SPATA17: variants seen among roughly 807,000 people sequenced by gnomAD.
SPATA17 encodes spermatogenesis associated 17, also known as spermatogenesis-associated protein 17.
SPATA17 carries 53 observed loss-of-function variants against 62.2 expected under a neutral mutation model. The observed-to-expected ratio is 0.85, with a 90% CI of 0.68 to 1.07. The LOEUF (loss-of-function observed/expected upper bound fraction) is 1.07, where lower values mean the gene tolerates loss of function less well. Among genes scored for constraint, SPATA17 ranks in the 50% least tolerant of loss-of-function variants. The probability of loss-of-function intolerance (pLI) is 0.00; values close to 1 mark genes in which losing one functional copy is unlikely to be tolerated. For missense variants in SPATA17, 466 were observed against 425.5 expected (o/e 1.10, Z -0.84); for synonymous variants, 146 against 146.8 (o/e 0.99, Z 0.04).
intron 5 of SPATA17, 27 bp downstream of exon 5, chr1:217,683,388 A>T: frequency 6.9e-7 from 1 of 1,442,096 alleles, no homozygotes; most frequent in Non-Finnish European, 9.7e-7. Flanking sequence ...TCCATTCACT[A>T]GGGAAAACTT....
At chr1:217,818,267 C>G (rs752497524) in intron 9 of SPATA17, among the ~76,000 whole-genome samples, 1 of 151,936 alleles carries the variant, frequency 6.6e-6, no homozygotes, top group Non-Finnish European at 1.5e-5. Context: ...CCTTGGACAT[C>G]ACAATTTACG....
At chr1:217,680,237 C>A (rs941789476) in intron 4 of SPATA17, among the ~76,000 whole-genome samples, 3 of 152,118 alleles carry the variant, frequency 2.0e-5, no homozygotes, top group Non-Finnish European at 4.4e-5. Context: ...AGCTATATGA[C>A]CTTAGGCAAT....
intron 9 of SPATA17, among the ~76,000 whole-genome samples, chr1:217,836,432 G>A (rs61827071): frequency 0.15 from 23,276 of 152,090 alleles, 1,930 homozygotes; most frequent in Non-Finnish European, 0.18. Flanking sequence ...CAGTAGAAAC[G>A]GACAAAAGCT....
intron 5 of SPATA17, among the ~76,000 whole-genome samples, chr1:217,718,012 A>G (rs1259629354): frequency 6.6e-6 from 1 of 152,238 alleles, no homozygotes; most frequent in Non-Finnish European, 1.5e-5. Context: ...AGCTAGAGAT[A>G]AACCTCAGGA....
At chr1:217,760,180 C>T (rs1186328411) in intron 6 of SPATA17, among the ~76,000 whole-genome samples, 2 of 152,062 alleles carry the variant, frequency 1.3e-5, no homozygotes, top group African/African-American at 4.8e-5. Flanking sequence ...ACCAGAGAGA[C>T]TTAAAGTTTG....
At chr1:217,840,453 T>G (rs1675365626) in intron 9 of SPATA17, among the ~76,000 whole-genome samples, 2 of 152,004 alleles carry the variant, frequency 1.3e-5, no homozygotes, top group Non-Finnish European at 2.9e-5. Flanking sequence ...AAAAGCTAAA[T>G]AAAGTTCATC....
rs529042740 is a variant in SPATA17, at chr1:217,672,181, T to C, written c.291+3098T>C. Among the ~76,000 whole-genome samples, 16 of 152,336 alleles carry C rather than the reference T, an allele frequency of 1.1e-4. No homozygotes were observed. The South Asian group carries it at 3.3e-3, about 32-fold the overall frequency. ...CAGATACCTTTGTGTTGTGTATATC[T>C]GAAGATTACAATCCTAATTGGATAC... On this transcript the variant is annotated intron_variant, in intron 4 of 10. Coordinates refer to ENST00000366933, the MANE Select transcript of SPATA17 (RefSeq NM_138796.4).
intron 5 of SPATA17, among the ~76,000 whole-genome samples, chr1:217,727,204 G>A (rs1223940101): frequency 6.6e-6 from 1 of 151,096 alleles, no homozygotes; most frequent in African/African-American, 2.4e-5. Context: ...CGGAGATCGC[G>A]CCATTGCACT....
At chr1:217,734,489 C>T (rs1672466503) in intron 5 of SPATA17, among the ~76,000 whole-genome samples, 2 of 152,158 alleles carry the variant, frequency 1.3e-5, no homozygotes, top group East Asian at 1.9e-4. Flanking sequence ...AGGTGTGTGC[C>T]ACCACACCCA....
intron 1 of SPATA17, among the ~76,000 whole-genome samples, chr1:217,637,627 G>A (rs1669971813): frequency 6.6e-6 from 1 of 152,136 alleles, no homozygotes; most frequent in South Asian, 2.1e-4. Context: ...AGTTCCTCCT[G>A]TATCCTTAGT....
At position 217,871,123 on chromosome 1, in the gene SPATA17, G is replaced by A. The variant is rs921087389; in HGVS notation, c.*4104G>A. 1.3e-5 allele frequency: 2 copies of A among 152,146 alleles called. No individual in the cohort carries two copies. The highest frequency in any genetic ancestry group is 4.8e-5 in the African/African-American group (2 of 41,442). The allele number at this position is 152,146 out of a possible 1,614,324, so 9.4% of individuals were successfully genotyped here. A position where few individuals can be genotyped will look rare whatever the true frequency, so the allele number is the denominator to read the frequency against. ...CTAAGTGGGTTGATCCTGAGATCAAGCTATGATTGCTGCTTGCGTAAAGTG... is the reference window on the plus strand; with the variant it reads ...CTAAGTGGGTTGATCCTGAGATCAAACTATGATTGCTGCTTGCGTAAAGTG... On this transcript the variant is annotated 3_prime_UTR_variant, in exon 11 of 11. Transcript: ENST00000366933.
rs1197131010 is a variant in SPATA17, at chr1:217,742,115, C to T, written c.519+17C>T. ...ACAAAGCAGGTTGGTTTACCTGTCC[C>T]TGACAGCTCCTGTAAGCCACTTGGG... On this transcript the variant is annotated intron_variant, in intron 6 of 10. Transcript: ENST00000366933. 3 of 1,613,404 alleles carry T rather than the reference C, an allele frequency of 1.9e-6. No individual in the cohort carries two copies. Among genetic ancestry groups the T allele is most frequent in the Non-Finnish European group, 2.5e-6 (3 of 1,179,704 alleles).
At chr1:217,739,882 T>A (rs1478173148) in intron 5 of SPATA17, among the ~76,000 whole-genome samples, 1 of 152,146 alleles carries the variant, frequency 6.6e-6, no homozygotes, top group Non-Finnish European at 1.5e-5. Flanking sequence ...ATTGGATGAA[T>A]TTATTAAATT....
chr1:217,850,373 T>C, intron 9 of SPATA17: 1 of 869,580 alleles, frequency 1.1e-6, no homozygotes, highest in Non-Finnish European at 1.8e-6. Context: ...ATGCCATCAC[T>C]GAGCACTGCA....
intron 1 of SPATA17, among the ~76,000 whole-genome samples, chr1:217,639,807 A>AT (rs1670017362): frequency 6.6e-6 from 1 of 151,788 alleles, no homozygotes; most frequent in Non-Finnish European, 1.5e-5. Flanking sequence ...TCTAATATCA[A>AT]TTTTTTCACC....
intron 6 of SPATA17, among the ~76,000 whole-genome samples, chr1:217,768,837 A>T (rs1305582135): frequency 1.3e-5 from 2 of 152,092 alleles, no homozygotes; most frequent in African/African-American, 4.8e-5. Flanking sequence ...TTTACACAGA[A>T]CGTATACTTT....
intron 9 of SPATA17, among the ~76,000 whole-genome samples, chr1:217,842,345 CT>C (rs1163550319): frequency 6.6e-6 from 1 of 151,942 alleles, no homozygotes; most frequent in Non-Finnish European, 1.5e-5. Context: ...GTAGTTTTCC[CT>C]CTTTTTCAAT....
chr1:217,687,813 G>A (rs1323756002), intron 5 of SPATA17, among the ~76,000 whole-genome samples: 1 of 152,168 alleles, frequency 6.6e-6, no homozygotes, highest in Non-Finnish European at 1.5e-5. Context: ...AAAGGCAAAT[G>A]AATAGATTTT....
chr1:217,658,529 C>T (rs1294253943), intron 3 of SPATA17, among the ~76,000 whole-genome samples: 2 of 151,994 alleles, frequency 1.3e-5, no homozygotes. Flanking sequence ...GAGGTCAAGG[C>T]GGGCAGATCA....
Sources: gnomAD v4.1 joint callset for allele counts (sites outside exome capture counted in the v4.1 genomes callset) on GRCh38, gnomAD v4.1.1 for gene constraint, MANE v1.5 for transcripts, NCBI Gene and HGNC (gene_info 2026-07-23, HGNC 2026-07-21) for gene names.